The following DNER variants were observed in gnomAD, a reference collection of about 807,000 sequenced individuals.
DNER encodes delta and Notch-like epidermal growth factor-related receptor.
A neutral mutation model predicts 78.2 loss-of-function variants in DNER; 33 were observed. The ratio of observed to expected loss-of-function variants is 0.42; its 90% confidence interval spans 0.32 to 0.56. The LOEUF is 0.56. Ranked by LOEUF, DNER falls within the 20% of genes least tolerant of loss-of-function variation. DNER has a pLI of 0.11. For missense variants in DNER, 918 were observed against 975.3 expected (o/e 0.94, Z 0.78); for synonymous variants, 417 against 384.8 (o/e 1.08, Z -0.98).
intron 5 of DNER, among the ~76,000 whole-genome samples, chr2:229,516,325 G>A (rs568702557): frequency 3.9e-5 from 6 of 152,186 alleles, no homozygotes; most frequent in East Asian, 1.9e-4. Context: ...AACTATGTTC[G>A]CACATCTTTT....
In DNER at chr2:229,444,031, A is replaced by C. The variant is rs1574845801; in HGVS notation, c.1486+3285T>G. Among the ~76,000 whole-genome samples, 4 of 152,348 alleles carry C rather than the reference A, an allele frequency of 2.6e-5. No individual in the cohort carries two copies. In the South Asian group the frequency reaches 8.3e-4, roughly 32 times the overall value. On this transcript the variant is annotated intron_variant, in intron 8 of 12. Transcript: ENST00000341772. Reference sequence around the variant, plus strand: ...AGGCTCTGCTTTGAGACTGCTGAACAAATGAAGGGATCATGTTCATTCCAC... The same window carrying C: ...AGGCTCTGCTTTGAGACTGCTGAACCAATGAAGGGATCATGTTCATTCCAC...
chr2:229,491,982 C>T (rs1323004875), intron 6 of DNER, among the ~76,000 whole-genome samples: 2 of 152,156 alleles, frequency 1.3e-5, no homozygotes, highest in African/African-American at 2.4e-5. Context: ...CACACAGACA[C>T]ACAGACACAC....
chr2:229,649,909 C>T (rs537600878), intron 1 of DNER, among the ~76,000 whole-genome samples: 7 of 151,870 alleles, frequency 4.6e-5, no homozygotes, highest in Non-Finnish European at 8.8e-5. Flanking sequence ...CCCATCTCTA[C>T]TGAAAATACA....
chr2:229,524,831 G>A (rs543313156), intron 5 of DNER, among the ~76,000 whole-genome samples: 1 of 152,304 alleles, frequency 6.6e-6, no homozygotes, highest in Non-Finnish European at 1.5e-5. Context: ...CACTCTGATC[G>A]CTCTGGGCCA....
intron 6 of DNER, among the ~76,000 whole-genome samples, chr2:229,497,822 A>C (rs1363101257): frequency 1.3e-5 from 2 of 152,150 alleles, no homozygotes; most frequent in Non-Finnish European, 2.9e-5. Flanking sequence ...AGTAATAAAA[A>C]AGTCTCCCAT....
At chr2:229,374,437 CCAAGTAGTTATGT>C (rs1387523222) in intron 11 of DNER, among the ~76,000 whole-genome samples, 22 of 151,912 alleles carry the variant, frequency 1.4e-4, no homozygotes, top group African/African-American at 5.1e-4. Flanking sequence ...TTTAAGACAC[CCAAGTAGTTATGT>C]CTAATAGTTA....
rs1021630447 is a variant in DNER at position 229,702,848 on chromosome 2, T to C, written c.276+11300A>G. Among the ~76,000 whole-genome samples the C allele has an allele frequency of 2.3e-4, 32 of 137,602 alleles. 1 individual carries two copies. The highest frequency in any genetic ancestry group is 6.3e-4 in the East Asian group (3 of 4,766). 90.3% of individuals were successfully genotyped at this position (137,602 alleles called of 152,430 possible). On this transcript the variant is annotated intron_variant, in intron 1 of 12. Transcript: ENST00000341772. ...AGGAGAACGGTGTGAACACGGGAGG[T>C]AGAGCTTGCAGTGAGCTGAGACCGT... is the stretch of plus-strand genomic sequence containing the variant.
chr2:229,411,021 C>T (rs1693506829), intron 9 of DNER, among the ~76,000 whole-genome samples: 1 of 152,130 alleles, frequency 6.6e-6, no homozygotes, highest in Non-Finnish European at 1.5e-5. Context: ...TCAGCCTTAG[C>T]CTCATTATTC....
intron 5 of DNER, among the ~76,000 whole-genome samples, chr2:229,534,903 T>C (rs931737432): frequency 1.3e-5 from 2 of 152,180 alleles, no homozygotes; most frequent in African/African-American, 4.8e-5. Flanking sequence ...TGGCACGATC[T>C]CAACTCACTG....
intron 5 of DNER, among the ~76,000 whole-genome samples, chr2:229,515,635 C>CTTTTTT (rs1409850665): frequency 2.4e-5 from 3 of 123,250 alleles, no homozygotes; most frequent in Non-Finnish European, 3.4e-5. Context: ...TTCAAGTTAG[C>CTTTTTT]TTTATTTTTT....
rs1002992508 is a variant in DNER at position 229,569,107 on chromosome 2, G to A, written c.847+16751C>T. 4.6e-5 allele frequency among the ~76,000 whole-genome samples: 7 copies of A among 152,110 alleles called. 1 individual carries two copies. The highest frequency in any genetic ancestry group is 9.7e-5 in the African/African-American group (4 of 41,404). ...TATGTGTGTGCCTATGGATGGATGC[G>A]TATCTATGTGTGTGCATATACATGA... On this transcript the variant is annotated intron_variant, in intron 4 of 12. Coordinates refer to ENST00000341772, the MANE Select transcript of DNER (RefSeq NM_139072.4).
chr2:229,484,365 A>G (rs1344865045), intron 6 of DNER, among the ~76,000 whole-genome samples: 1 of 152,220 alleles, frequency 6.6e-6, no homozygotes, highest in African/African-American at 2.4e-5. Flanking sequence ...AAACACTGCA[A>G]TGAGCAACTG....
At chr2:229,595,636 C>T (rs1482499093) in intron 1 of DNER, among the ~76,000 whole-genome samples, 1 of 152,118 alleles carries the variant, frequency 6.6e-6, no homozygotes, top group Non-Finnish European at 1.5e-5. Context: ...CCCTAGTCTC[C>T]CTGACCTCAC....
intron 7 of DNER, among the ~76,000 whole-genome samples, chr2:229,470,369 G>A (rs1244768291): frequency 6.6e-6 from 1 of 152,008 alleles, no homozygotes; most frequent in African/African-American, 2.4e-5. Context: ...GTGGGAAGAG[G>A]GTCCTGGTCA....
chr2:229,395,708 G>A (rs1693122188), intron 10 of DNER, among the ~76,000 whole-genome samples: 1 of 152,126 alleles, frequency 6.6e-6, no homozygotes, highest in Non-Finnish European at 1.5e-5. Flanking sequence ...AGACTACCCT[G>A]GCCAACATGG....
chr2:229,363,796 C>T (rs955081751), intron 12 of DNER, among the ~76,000 whole-genome samples: 1 of 152,066 alleles, frequency 6.6e-6, no homozygotes, highest in African/African-American at 2.4e-5. Flanking sequence ...CTGAGTTAAA[C>T]ACTCCACCAC....
At chr2:229,395,837 G>T (rs111468460) in intron 10 of DNER, among the ~76,000 whole-genome samples, 8,868 of 152,238 alleles carry the variant, frequency 0.058, 301 homozygotes, top group Middle Eastern at 0.085. Flanking sequence ...GGCGGAGGTT[G>T]CAGTGAGCGG....
chr2:229,438,141 A>T (rs1046140122), intron 8 of DNER, among the ~76,000 whole-genome samples: 1 of 152,186 alleles, frequency 6.6e-6, no homozygotes, highest in Non-Finnish European at 1.5e-5. Context: ...TGAAGCAAAG[A>T]CAGAAGAAGG....
At chr2:229,602,916 A>G (rs556903688) in intron 1 of DNER, among the ~76,000 whole-genome samples, 205 of 152,340 alleles carry the variant, frequency 1.3e-3, no homozygotes, top group African/African-American at 4.6e-3. Context: ...CCACGATAGC[A>G]CAGACACGCT....
Sources: allele counts gnomAD v4.1 joint callset (sites outside exome capture counted in the v4.1 genomes callset), GRCh38; gene constraint gnomAD v4.1.1; transcripts MANE v1.5; gene names NCBI Gene and HGNC (gene_info 2026-07-23, HGNC 2026-07-21).